Variants in SORCS2 observed in about 807,000 individuals in gnomAD.
SORCS2 encodes sortilin related VPS10 domain containing receptor 2, also known as VPS10 domain-containing receptor SorCS2.
In SORCS2, 100 loss-of-function variants were observed where a neutral mutation model predicts 141.6. The observed-to-expected ratio is 0.71, with a 90% CI of 0.60 to 0.83. The LOEUF (loss-of-function observed/expected upper bound fraction) is 0.83. Ranked by LOEUF, SORCS2 falls within the 40% of genes least tolerant of loss-of-function variation. The pLI is 0.00. For missense variants in SORCS2, 1,646 were observed against 1,560.2 expected (o/e 1.05, Z -0.93); for synonymous variants, 789 against 676.9 (o/e 1.17, Z -2.57).
At chr4:7,434,719 C>T (rs779558730) in intron 2 of SORCS2, 3 of 1,612,908 alleles carry the variant, frequency 1.9e-6, no homozygotes, top group Non-Finnish European at 2.5e-6. Context: ...GGGTTTGTTC[C>T]ATACGGCCCC....
chr4:7,460,721 C>G (rs1729248990), intron 2 of SORCS2, among the ~76,000 whole-genome samples: 1 of 152,068 alleles, frequency 6.6e-6, no homozygotes, highest in Non-Finnish European at 1.5e-5. Flanking sequence ...GGATATTCAG[C>G]TCTTGGGAGT....
At chr4:7,265,427 G>C (rs556707851) in intron 1 of SORCS2, among the ~76,000 whole-genome samples, 7 of 152,272 alleles carry the variant, frequency 4.6e-5, no homozygotes, top group Non-Finnish European at 7.4e-5. Flanking sequence ...GGAGGCAGAG[G>C]GTGCAGTGAG....
chr4:7,297,832 C>G (rs573392915), intron 1 of SORCS2, among the ~76,000 whole-genome samples: 1 of 152,304 alleles, frequency 6.6e-6, no homozygotes, highest in East Asian at 1.9e-4. Context: ...GCCCAGGTGT[C>G]TGGGGCTTTG....
chr4:7,385,178 C>T (rs931462332), intron 1 of SORCS2, among the ~76,000 whole-genome samples: 15 of 152,136 alleles, frequency 9.9e-5, no homozygotes, highest in African/African-American at 2.9e-4. Flanking sequence ...TGAGTGAGGC[C>T]GCATCCCTTG....
intron 5 of SORCS2, among the ~76,000 whole-genome samples, chr4:7,661,142 T>C (rs1010909692): frequency 7.2e-5 from 11 of 151,968 alleles, no homozygotes; most frequent in African/African-American, 2.7e-4. Flanking sequence ...CAAACAAAAA[T>C]GAAAAAGCAA....
intron 1 of SORCS2, among the ~76,000 whole-genome samples, chr4:7,372,221 A>G (rs3864206): frequency 0.71 from 107,631 of 152,082 alleles, 38,363 homozygotes; most frequent in East Asian, 0.94. Context: ...TTTGTAAGTC[A>G]GTGGTTGAAT....
rs574776440 is a variant in SORCS2, at chr4:7,240,015, C to A, written c.480+46889C>A. On this transcript the variant is annotated intron_variant, in intron 1 of 26. Transcript: ENST00000507866. Reference sequence around the variant, plus strand: ...GTGGGGAGCACAGGAAAGCTCTGCTCTCCACAGAAGGGAATCTGAGCTTCC... The same window carrying A: ...GTGGGGAGCACAGGAAAGCTCTGCTATCCACAGAAGGGAATCTGAGCTTCC... 1.2e-3 allele frequency among the ~76,000 whole-genome samples: 190 copies of A among 152,274 alleles called. 1 individual carries two copies. The highest frequency in any genetic ancestry group is 4.4e-3 in the African/African-American group (184 of 41,548).
intron 2 of SORCS2, among the ~76,000 whole-genome samples, chr4:7,525,770 TCC>T (rs1733636674): frequency 4.8e-5 from 6 of 125,892 alleles, no homozygotes; most frequent in South Asian, 3.1e-4. Context: ...CAATCACCTG[TCC>T]CCTCCTGCAG....
chr4:7,311,148 T>C (rs569197252), intron 1 of SORCS2, among the ~76,000 whole-genome samples: 2 of 152,300 alleles, frequency 1.3e-5, no homozygotes, highest in Admixed American at 6.5e-5. Flanking sequence ...TATAGATCAG[T>C]TGGCCTTTCC....
intron 2 of SORCS2, among the ~76,000 whole-genome samples, chr4:7,497,236 G>A (rs1223033187): frequency 6.6e-6 from 1 of 152,260 alleles, no homozygotes; most frequent in African/African-American, 2.4e-5. Context: ...GAACGTGTCA[G>A]GAGACCCACT....
intron 18 of SORCS2, among the ~76,000 whole-genome samples, chr4:7,720,203 T>G (rs1726496782): frequency 6.6e-6 from 1 of 152,094 alleles, no homozygotes; most frequent in Non-Finnish European, 1.5e-5. Context: ...GTAAATATCT[T>G]AAGAATTAAA....
At chr4:7,684,939 A>C (rs1723782646) in intron 10 of SORCS2, among the ~76,000 whole-genome samples, 1 of 152,106 alleles carries the variant, frequency 6.6e-6, no homozygotes, top group Non-Finnish European at 1.5e-5. Context: ...CCCCCAGGGC[A>C]ACCCCTTGCT....
intron 3 of SORCS2, among the ~76,000 whole-genome samples, chr4:7,538,966 G>T (rs1033623440): frequency 5.3e-5 from 8 of 152,214 alleles, no homozygotes; most frequent in African/African-American, 1.9e-4. Context: ...TGAAAGTTCA[G>T]CCCTGTTCTC....
At chr4:7,526,506 C>T (rs565816857) in intron 2 of SORCS2, among the ~76,000 whole-genome samples, 4 of 152,076 alleles carry the variant, frequency 2.6e-5, no homozygotes, top group South Asian at 2.1e-4. Context: ...TGCCAGGAGG[C>T]GGGCGGGGTG....
intron 1 of SORCS2, among the ~76,000 whole-genome samples, chr4:7,395,265 G>A (rs190228124): frequency 2.0e-5 from 3 of 152,206 alleles, no homozygotes; most frequent in African/African-American, 7.2e-5. Flanking sequence ...AGGACCGAGC[G>A]CAGGGAGCTC....
Position 7,291,379 on chromosome 4 carries a change from C to G in SORCS2, c.480+98253C>G, listed in dbSNP as rs536693261. 7.9e-3 allele frequency among the ~76,000 whole-genome samples: 1,209 copies of G among 152,262 alleles called. 15 individuals carry two copies. Among genetic ancestry groups the G allele is most frequent in the African/African-American group, 0.026 (1,081 of 41,542 alleles). ...AGTCCACGCCTGGCCCATGGGAGGC[C>G]TCTGCCACCCACATCAGTGCTGGTG... On this transcript the variant is annotated intron_variant, in intron 1 of 26. Coordinates refer to ENST00000507866, the MANE Select transcript of SORCS2 (RefSeq NM_020777.3).
chr4:7,662,436 C>A (rs557643987), intron 6 of SORCS2, among the ~76,000 whole-genome samples: 20 of 152,256 alleles, frequency 1.3e-4, no homozygotes, highest in African/African-American at 4.8e-4. Flanking sequence ...CCCTGCCAGC[C>A]ACCTCTGCTG....
chr4:7,625,957 AG>A (rs760000266), intron 3 of SORCS2, among the ~76,000 whole-genome samples: 9 of 152,052 alleles, frequency 5.9e-5, no homozygotes, highest in Non-Finnish European at 1.2e-4. Context: ...TGGGCAATGT[AG>A]GGAGACCCTG....
intron 1 of SORCS2, among the ~76,000 whole-genome samples, chr4:7,251,657 C>A (rs1352077527): frequency 6.6e-6 from 1 of 152,192 alleles, no homozygotes; most frequent in Admixed American, 6.5e-5. Context: ...ATGATAGGAT[C>A]TGCCACACTC....
Sources: gnomAD v4.1 joint callset for allele counts (sites outside exome capture counted in the v4.1 genomes callset) on GRCh38, gnomAD v4.1.1 for gene constraint, MANE v1.5 for transcripts, NCBI Gene and HGNC (gene_info 2026-07-23, HGNC 2026-07-21) for gene names.